The following CTIF variants were observed in gnomAD, a reference collection of about 807,000 sequenced individuals.
CTIF encodes cap binding complex dependent translation initiation factor.
CTIF carries 21 observed loss-of-function variants against 66.0 expected under a neutral mutation model. That is an observed-to-expected ratio of 0.32 (90% confidence interval 0.23 to 0.46). The LOEUF (loss-of-function observed/expected upper bound fraction) is 0.46, where lower values mean the gene tolerates loss of function less well. Among genes scored for constraint, CTIF ranks in the 20% least tolerant of loss-of-function variants. CTIF has a pLI of 1.00. For missense variants in CTIF, 739 were observed against 812.7 expected (o/e 0.91, Z 1.10); for synonymous variants, 345 against 326.4 (o/e 1.06, Z -0.62).
chr18:48,558,432 G>C (rs1460667724), intron 1 of CTIF, among the ~76,000 whole-genome samples: 1 of 152,278 alleles, frequency 6.6e-6, no homozygotes, highest in East Asian at 1.9e-4. Flanking sequence ...AACTAGTTTG[G>C]GTTGGGTTTG....
chr18:48,862,639 G>A lies in CTIF; in HGVS notation c.*3080G>A, dbSNP rs2069499019. ...ATCCATGTAAATGTAAATGTTGGCC[G>A]AGTCGGTATTTATTCTGATTGATTT... On this transcript the variant is annotated 3_prime_UTR_variant, in exon 12 of 12. Transcript: ENST00000256413. 1 of 151,890 alleles carries A rather than the reference G, an allele frequency of 6.6e-6. No homozygotes were observed. The highest frequency in any genetic ancestry group is 1.5e-5 in the Non-Finnish European group (1 of 68,078). 9.4% of individuals were successfully genotyped at this position (151,890 alleles called of 1,614,324 possible). A position where few individuals can be genotyped will look rare whatever the true frequency, so the allele number is the denominator to read the frequency against.
chr18:48,572,047 CTTT>C (rs936604384), intron 1 of CTIF, among the ~76,000 whole-genome samples: 2 of 126,044 alleles, frequency 1.6e-5, no homozygotes, highest in Non-Finnish European at 3.3e-5. Context: ...TCTTCCTTCT[CTTT>C]CTCCTTCTCC....
intron 7 of CTIF, chr18:48,756,300 C>T (rs1908357331): frequency 6.6e-6 from 1 of 151,954 alleles, no homozygotes; most frequent in Non-Finnish European, 1.5e-5. Context: ...AGCTACTAAG[C>T]TTTTCAATGG....
intron 6 of CTIF, among the ~76,000 whole-genome samples, chr18:48,684,685 G>T (rs1046258305): frequency 6.6e-6 from 1 of 152,154 alleles, no homozygotes; most frequent in East Asian, 1.9e-4. Context: ...TCACAGGAAA[G>T]TTGCAAAAAT....
chr18:48,795,556 C>T (rs750097945), intron 9 of CTIF, among the ~76,000 whole-genome samples: 9 of 152,124 alleles, frequency 5.9e-5, no homozygotes, highest in Non-Finnish European at 8.8e-5. Context: ...TTATCTTATT[C>T]GGGTTTCTTC....
rs777810338 is a variant in CTIF at position 48,663,762 on chromosome 18, A to G, written c.263A>G (p.Lys88Arg). 12 of 1,614,016 alleles carry G rather than the reference A, an allele frequency of 7.4e-6. 1 individual carries two copies. Among genetic ancestry groups the G allele is most frequent in the Non-Finnish European group, 1.0e-5 (12 of 1,179,948 alleles). The change falls in exon 4 of 12, where the codon AAA (lysine) becomes AGA (arginine). Residue 88 changes from lysine to arginine, a missense_variant. By Grantham distance (26) the Lys-to-Arg change is conservative. Transcript: ENST00000256413. Reference sequence around the variant, plus strand: ...CCCCATCTCTTCCAGAATGGCAGCAAAGACAACTCTCTGGACATGCTGGGC... The same window carrying G: ...CCCCATCTCTTCCAGAATGGCAGCAGAGACAACTCTCTGGACATGCTGGGC... ...GRAPPQQNGS[K>R]DNSLDMLGTD...
At chr18:48,857,497 G>A in intron 10 of CTIF, 91 bp from the exon 11 acceptor site, 3 of 1,148,256 alleles carry the variant, frequency 2.6e-6, no homozygotes, top group Non-Finnish European at 3.7e-6. Context: ...TCAGGGCTGG[G>A]GCTGCAGGTC....
chr18:48,723,547 C>T (rs996839129), intron 7 of CTIF, among the ~76,000 whole-genome samples: 3 of 152,208 alleles, frequency 2.0e-5, no homozygotes, highest in African/African-American at 2.4e-5. Flanking sequence ...ACTCGATGAG[C>T]ACCCAGAGGG....
At chr18:48,657,783 C>T (rs1377801851) in intron 3 of CTIF, among the ~76,000 whole-genome samples, 1 of 152,066 alleles carries the variant, frequency 6.6e-6, no homozygotes, top group Non-Finnish European at 1.5e-5. Flanking sequence ...TCACTGAGTC[C>T]AGGAAGAGTA....
At chr18:48,577,876 A>C (rs566207671) in intron 1 of CTIF, among the ~76,000 whole-genome samples, 1 of 152,320 alleles carries the variant, frequency 6.6e-6, no homozygotes, top group South Asian at 2.1e-4. Context: ...TGTCCAGCCT[A>C]AAGTGGATGG....
At chr18:48,720,166 T>G (rs1200131266) in intron 7 of CTIF, among the ~76,000 whole-genome samples, 1 of 151,824 alleles carries the variant, frequency 6.6e-6, no homozygotes, top group African/African-American at 2.4e-5. Flanking sequence ...TAAAACAGAG[T>G]AGAGAGATGC....
At chr18:48,667,597 A>C (rs577403261) in intron 5 of CTIF, among the ~76,000 whole-genome samples, 1 of 152,338 alleles carries the variant, frequency 6.6e-6, no homozygotes, top group East Asian at 1.9e-4. Context: ...CTAACTTCCT[A>C]GCAAAAAAGC....
At chr18:48,603,572 T>TG (rs1055898745) in intron 1 of CTIF, among the ~76,000 whole-genome samples, 2 of 126,390 alleles carry the variant, frequency 1.6e-5, no homozygotes, top group African/African-American at 6.0e-5. Context: ...AATGGGGGGG[T>TG]GGATGGCTGG....
chr18:48,725,127 A>T (rs2092374859), intron 7 of CTIF, among the ~76,000 whole-genome samples: 1 of 152,190 alleles, frequency 6.6e-6, no homozygotes, highest in South Asian at 2.1e-4. Context: ...CGTGTTCCAG[A>T]CTGGCTCTGC....
chr18:48,675,659 G>A (rs2096175860), intron 6 of CTIF, among the ~76,000 whole-genome samples: 1 of 152,052 alleles, frequency 6.6e-6, no homozygotes, highest in Non-Finnish European at 1.5e-5. Context: ...CTCCTGTTGG[G>A]CCACATGTCC....
Position 48,667,951 on chromosome 18 carries a change from G to T in CTIF, c.432-2718G>T, listed in dbSNP as rs1371369355. Among the ~76,000 whole-genome samples the T allele has an allele frequency of 2.0e-5, 3 of 152,234 alleles. No homozygotes were observed. The East Asian group carries it at 5.8e-4, about 29-fold the overall frequency. On this transcript the variant is annotated intron_variant, in intron 5 of 11. Transcript: ENST00000256413. ...CCACTGCAGCCTTCCTGGGATGCAG[G>T]TACCACTCAGTTGCCAAGGCTCCCT...
At position 48,827,025 on chromosome 18, in the gene CTIF, C is replaced by G. The variant is rs571774029; in HGVS notation, c.1527+9649C>G. ...AATGGGGAAAGCCTCCAGGAAGGAG[C>G]CTTTGAGCCAAGGCGTGGGGGCCAG... is the stretch of plus-strand genomic sequence containing the variant. On this transcript the variant is annotated intron_variant, in intron 10 of 11. Transcript: ENST00000256413. Among the ~76,000 whole-genome samples, 190 of 152,124 alleles carry G rather than the reference C, an allele frequency of 1.2e-3. 1 individual carries two copies. The highest frequency in any genetic ancestry group is 2.0e-3 in the Non-Finnish European group (138 of 68,002).
chr18:48,563,203 C>T (rs551291659), intron 1 of CTIF, among the ~76,000 whole-genome samples: 1 of 152,226 alleles, frequency 6.6e-6, no homozygotes, highest in Non-Finnish European at 1.5e-5. Context: ...ACTGGTTAGT[C>T]TGCAGGGATG....
At chr18:48,789,486 T>A (rs2067745777) in intron 9 of CTIF, among the ~76,000 whole-genome samples, 1 of 152,214 alleles carries the variant, frequency 6.6e-6, no homozygotes, top group Non-Finnish European at 1.5e-5. Flanking sequence ...GTGAAAGGAA[T>A]TTTAATTTCA....
Sources: allele counts gnomAD v4.1 joint callset (sites outside exome capture counted in the v4.1 genomes callset), GRCh38; gene constraint gnomAD v4.1.1; transcripts MANE v1.5; gene names NCBI Gene and HGNC (gene_info 2026-07-23, HGNC 2026-07-21).